The following ZCCHC7 variants were observed in gnomAD, a reference collection of about 807,000 sequenced individuals.
The protein encoded by ZCCHC7 is zinc finger CCHC-type containing 7.
Under a neutral mutation model 52.0 loss-of-function variants are expected in ZCCHC7, and 35 were observed. The observed-to-expected ratio is 0.67, with a 90% confidence interval of 0.51 to 0.89. The LOEUF (loss-of-function observed/expected upper bound fraction) is 0.89. ZCCHC7 is among the 40% of genes least tolerant of loss of function. The probability of loss-of-function intolerance (pLI) is 0.00; values close to 1 mark genes in which losing one functional copy is unlikely to be tolerated. For synonymous variants in ZCCHC7, 217 were observed against 221.5 expected (o/e 0.98, Z 0.18); for missense variants, 574 against 649.1 (o/e 0.88, Z 1.26).
At chr9:37,254,991 G>T (rs2133414383) in intron 2 of ZCCHC7, among the ~76,000 whole-genome samples, 1 of 151,912 alleles carries the variant, frequency 6.6e-6, no homozygotes, top group African/African-American at 2.4e-5. Context: ...AGTATCAGAA[G>T]AGCCTCTTGG....
chr9:37,258,499 G>A (rs1826700078), intron 2 of ZCCHC7, among the ~76,000 whole-genome samples: 1 of 152,136 alleles, frequency 6.6e-6, no homozygotes, highest in Non-Finnish European at 1.5e-5. Flanking sequence ...GCTCATGCCT[G>A]TAATCCTAGC....
At chr9:37,329,788 T>C (rs894158358) in intron 6 of ZCCHC7, among the ~76,000 whole-genome samples, 3 of 151,904 alleles carry the variant, frequency 2.0e-5, no homozygotes, top group African/African-American at 7.2e-5. Context: ...ATCTATTGAC[T>C]CCTAGTAGCC....
chr9:37,191,182 A>G (rs1179856084), intron 2 of ZCCHC7, among the ~76,000 whole-genome samples: 4 of 150,304 alleles, frequency 2.7e-5, no homozygotes, highest in African/African-American at 9.7e-5. Flanking sequence ...AAGCAGGATA[A>G]TTAAATTTTT....
intron 2 of ZCCHC7, among the ~76,000 whole-genome samples, chr9:37,287,649 TTC>T (rs995558200): frequency 6.6e-6 from 1 of 152,168 alleles, no homozygotes; most frequent in Non-Finnish European, 1.5e-5. Context: ...ACTGTTTTAT[TTC>T]TCTGTGTGTA....
At chr9:37,259,421 TAA>T (rs1478241958) in intron 2 of ZCCHC7, among the ~76,000 whole-genome samples, 1 of 152,188 alleles carries the variant, frequency 6.6e-6, no homozygotes, top group Non-Finnish European at 1.5e-5. Context: ...TATACTTTTA[TAA>T]AGTTTCATTT....
intron 2 of ZCCHC7, among the ~76,000 whole-genome samples, chr9:37,201,051 A>G (rs1345731806): frequency 2.0e-5 from 3 of 152,242 alleles, no homozygotes. Flanking sequence ...AGACAAGGGT[A>G]TCATTGCATG....
intron 2 of ZCCHC7, among the ~76,000 whole-genome samples, chr9:37,292,051 T>A (rs1221632898): frequency 6.6e-6 from 1 of 152,246 alleles, no homozygotes; most frequent in East Asian, 1.9e-4. Context: ...TGAGTATTTT[T>A]AAACAGATGT....
intron 2 of ZCCHC7, among the ~76,000 whole-genome samples, chr9:37,219,436 G>T (rs1282326880): frequency 6.6e-6 from 1 of 152,132 alleles, no homozygotes; most frequent in Non-Finnish European, 1.5e-5. Context: ...TCCTTGAGAT[G>T]GCTTAACTTC....
Position 37,319,439 on chromosome 9 carries a change from G to GT in ZCCHC7, c.952-8354dup, listed in dbSNP as rs538105263. ...CCAGATCACACAGTTTTTTGTTTTT[G>GT]TTTTTTGAGACAGGGTCTTACTCTG... On this transcript the variant is annotated intron_variant, in intron 5 of 8. Transcript: ENST00000336755. Among the ~76,000 whole-genome samples, 17 of 151,942 alleles carry GT rather than the reference G, an allele frequency of 1.1e-4. 1 individual carries two copies. In the South Asian group the frequency reaches 3.3e-3, roughly 30 times the overall value.
At chr9:37,153,441 G>A (rs1820643605) in intron 2 of ZCCHC7, among the ~76,000 whole-genome samples, 1 of 152,048 alleles carries the variant, frequency 6.6e-6, no homozygotes, top group Non-Finnish European at 1.5e-5. Flanking sequence ...AAAGTGCTGG[G>A]ATTACAGGTG....
intron 2 of ZCCHC7, among the ~76,000 whole-genome samples, chr9:37,180,207 T>C (rs1179979427): frequency 2.0e-5 from 3 of 152,194 alleles, no homozygotes; most frequent in Non-Finnish European, 4.4e-5. Flanking sequence ...AGCTGAAAAT[T>C]AGAGCAGAAA....
intron 2 of ZCCHC7, among the ~76,000 whole-genome samples, chr9:37,207,810 T>TA (rs1191584456): frequency 6.6e-6 from 1 of 152,174 alleles, no homozygotes; most frequent in African/African-American, 2.4e-5. Flanking sequence ...TCCATTGCTT[T>TA]AAAAAAATAA....
intron 6 of ZCCHC7, among the ~76,000 whole-genome samples, 197 bp from the exon 7 acceptor site, chr9:37,349,160 C>T (rs1821205408): frequency 6.6e-6 from 1 of 152,218 alleles, no homozygotes; most frequent in African/African-American, 2.4e-5. Context: ...GAGGGAAGCA[C>T]ACATTGACAT....
At chr9:37,246,215 A>T (rs1826074973) in intron 2 of ZCCHC7, among the ~76,000 whole-genome samples, 1 of 152,096 alleles carries the variant, frequency 6.6e-6, no homozygotes, top group Non-Finnish European at 1.5e-5. Context: ...GACAAATAAT[A>T]GTTTGTTTTT....
chr9:37,342,549 T>C (rs778404950), intron 6 of ZCCHC7, among the ~76,000 whole-genome samples: 2 of 152,132 alleles, frequency 1.3e-5, no homozygotes, highest in African/African-American at 2.4e-5. Flanking sequence ...TGCAGTGTAA[T>C]TGGACAGAGA....
chr9:37,344,533 G>C (rs911862671), intron 6 of ZCCHC7, among the ~76,000 whole-genome samples: 7 of 151,978 alleles, frequency 4.6e-5, no homozygotes, highest in African/African-American at 1.5e-4. Flanking sequence ...CATAGGACTC[G>C]GTACTACTCG....
At chr9:37,284,889 T>C (rs560833666) in intron 2 of ZCCHC7, among the ~76,000 whole-genome samples, 35 of 152,352 alleles carry the variant, frequency 2.3e-4, no homozygotes, top group African/African-American at 8.4e-4. Flanking sequence ...CCAGGAGGCA[T>C]GAACTATTTA....
intron 2 of ZCCHC7, among the ~76,000 whole-genome samples, chr9:37,242,360 T>C (rs1194260711): frequency 6.6e-6 from 1 of 151,788 alleles, no homozygotes; most frequent in Admixed American, 6.6e-5. Flanking sequence ...TGTTTAGCTT[T>C]GACTAGAGAG....
intron 5 of ZCCHC7, among the ~76,000 whole-genome samples, chr9:37,312,178 C>T (rs1367847746): frequency 6.6e-6 from 1 of 152,106 alleles, no homozygotes; most frequent in Non-Finnish European, 1.5e-5. Context: ...AATAACTAAG[C>T]CAAGATTTGA....
Sources: gnomAD v4.1 joint callset for allele counts (sites outside exome capture counted in the v4.1 genomes callset) on GRCh38, gnomAD v4.1.1 for gene constraint, MANE v1.5 for transcripts, NCBI Gene and HGNC (gene_info 2026-07-23, HGNC 2026-07-21) for gene names.